ST6GALNAC3: variants seen among roughly 807,000 people sequenced by gnomAD.
ST6GALNAC3 encodes ST6 N-acetylgalactosaminide alpha-2,6-sialyltransferase 3.
In ST6GALNAC3, 25 loss-of-function variants were observed where a neutral mutation model predicts 32.7. That is an observed-to-expected ratio of 0.76 (90% confidence interval 0.56 to 1.07). ST6GALNAC3 has a LOEUF of 1.07. Among genes scored for constraint, ST6GALNAC3 ranks in the 50% least tolerant of loss-of-function variants. The pLI, the probability that ST6GALNAC3 is intolerant of heterozygous loss-of-function variation, is 0.00. For missense variants in ST6GALNAC3, 355 were observed against 382.4 expected (o/e 0.93, Z 0.60); for synonymous variants, 129 against 133.1 (o/e 0.97, Z 0.21).
At chr1:76,368,228 CAAAT>C (rs777215498) in intron 2 of ST6GALNAC3, among the ~76,000 whole-genome samples, 75 of 152,252 alleles carry the variant, frequency 4.9e-4, no homozygotes, top group African/African-American at 8.9e-4. Context: ...AGGCAATAGA[CAAAT>C]GAATGAATGT....
intron 3 of ST6GALNAC3, among the ~76,000 whole-genome samples, chr1:76,538,787 A>G (rs1030585028): frequency 6.6e-6 from 1 of 152,158 alleles, no homozygotes; most frequent in Non-Finnish European, 1.5e-5. Flanking sequence ...AGAGAGTACA[A>G]TACCTAGGAA....
intron 2 of ST6GALNAC3, among the ~76,000 whole-genome samples, chr1:76,406,706 A>C (rs1653859559): frequency 6.6e-6 from 1 of 152,064 alleles, no homozygotes; most frequent in Non-Finnish European, 1.5e-5. Context: ...ATGTATATTA[A>C]GAATAGTGAA....
chr1:76,372,971 A>C (rs990040820), intron 2 of ST6GALNAC3, among the ~76,000 whole-genome samples: 3 of 151,814 alleles, frequency 2.0e-5, no homozygotes, highest in Non-Finnish European at 4.4e-5. Context: ...TTATTTATTT[A>C]CTTTTTGTAG....
At chr1:76,188,991 G>A (rs575436600) in intron 1 of ST6GALNAC3, among the ~76,000 whole-genome samples, 1 of 152,312 alleles carries the variant, frequency 6.6e-6, no homozygotes, top group South Asian at 2.1e-4. Flanking sequence ...GCCACACAGG[G>A]TCAGAGGATG....
At chr1:76,426,561 C>CTGTACATATATATATATATATATA (rs1571194928) in intron 3 of ST6GALNAC3, among the ~76,000 whole-genome samples, 2 of 146,724 alleles carry the variant, frequency 1.4e-5, no homozygotes, top group East Asian at 4.0e-4. Flanking sequence ...ATATATATAT[C>CTGTACATATATATATATATATATA]TGTACATATA....
At chr1:76,237,515 A>G (rs1656725526) in intron 1 of ST6GALNAC3, among the ~76,000 whole-genome samples, 1 of 152,318 alleles carries the variant, frequency 6.6e-6, no homozygotes, top group South Asian at 2.1e-4. Context: ...AAGGTTTGAC[A>G]TATACTTCCC....
intron 1 of ST6GALNAC3, among the ~76,000 whole-genome samples, chr1:76,303,891 T>G (rs190148230): frequency 1.8e-3 from 276 of 152,082 alleles, no homozygotes; most frequent in African/African-American, 6.5e-3. Flanking sequence ...AATGTTTAAA[T>G]TTTTCTCACT....
intron 3 of ST6GALNAC3, among the ~76,000 whole-genome samples, chr1:76,531,219 G>T (rs1283457831): frequency 6.6e-6 from 1 of 152,208 alleles, no homozygotes; most frequent in Non-Finnish European, 1.5e-5. Flanking sequence ...GGGCCGCTCA[G>T]AAAATTGATT....
intron 3 of ST6GALNAC3, among the ~76,000 whole-genome samples, chr1:76,440,819 G>A (rs888069912): frequency 6.6e-6 from 1 of 152,124 alleles, no homozygotes; most frequent in Admixed American, 6.5e-5. Flanking sequence ...TGGGCGCAGT[G>A]ACTCATGCCT....
intron 1 of ST6GALNAC3, among the ~76,000 whole-genome samples, chr1:76,229,240 A>G (rs550816602): frequency 6.6e-6 from 1 of 152,280 alleles, no homozygotes; most frequent in South Asian, 2.1e-4. Context: ...GAAGCTAAAC[A>G]ATAACTTCAA....
intron 3 of ST6GALNAC3, among the ~76,000 whole-genome samples, chr1:76,520,788 A>T (rs1341317607): frequency 6.6e-6 from 1 of 152,162 alleles, no homozygotes; most frequent in Non-Finnish European, 1.5e-5. Flanking sequence ...ATATCAATAT[A>T]GCCATACCAG....
intron 1 of ST6GALNAC3, among the ~76,000 whole-genome samples, chr1:76,189,658 A>G (rs1161986287): frequency 6.6e-6 from 1 of 152,204 alleles, no homozygotes; most frequent in Non-Finnish European, 1.5e-5. Flanking sequence ...TTAAATGAGA[A>G]TGTTAGCTTA....
intron 3 of ST6GALNAC3, among the ~76,000 whole-genome samples, chr1:76,603,207 A>G (rs1647314108): frequency 6.6e-6 from 1 of 152,168 alleles, no homozygotes; most frequent in Admixed American, 6.5e-5. Flanking sequence ...TTACCTTTCT[A>G]CCTAACAATT....
At chr1:76,098,027 A>G (rs2100767079) in intron 1 of ST6GALNAC3, among the ~76,000 whole-genome samples, 1 of 152,300 alleles carries the variant, frequency 6.6e-6, no homozygotes, top group Non-Finnish European at 1.5e-5. Context: ...TGAGGGAACC[A>G]GTACATGTTA....
At chr1:76,333,106 C>T (rs1647228929) in intron 2 of ST6GALNAC3, among the ~76,000 whole-genome samples, 1 of 152,060 alleles carries the variant, frequency 6.6e-6, no homozygotes, top group African/African-American at 2.4e-5. Flanking sequence ...GAAGCATATC[C>T]AAAAATATTT....
chr1:76,470,860 GA>G (rs200202340), intron 3 of ST6GALNAC3, among the ~76,000 whole-genome samples: 1,562 of 152,178 alleles, frequency 0.01, 13 homozygotes, highest in Middle Eastern at 0.095. Flanking sequence ...GATTTTACCA[GA>G]AGTAGAAATT....
At chr1:76,635,693 A>C (rs1649487557), downstream of ST6GALNAC3, among the ~76,000 whole-genome samples, 1 of 152,176 alleles carries the variant, frequency 6.6e-6, no homozygotes, top group Non-Finnish European at 1.5e-5. Flanking sequence ...CTCTCCAACC[A>C]GCTTGTTTCC....
At chr1:76,166,069 G>A (rs769925849) in intron 1 of ST6GALNAC3, among the ~76,000 whole-genome samples, 14 of 152,178 alleles carry the variant, frequency 9.2e-5, no homozygotes, top group Non-Finnish European at 1.6e-4. Flanking sequence ...TGGTGTCTTC[G>A]TCATGAAATC....
intron 3 of ST6GALNAC3, among the ~76,000 whole-genome samples, chr1:76,533,219 T>A (rs1443142734): frequency 6.6e-6 from 1 of 152,188 alleles, no homozygotes; most frequent in East Asian, 1.9e-4. Flanking sequence ...GAACCATGGC[T>A]ACTCTGAAGC....
Sources: allele counts gnomAD v4.1 joint callset (sites outside exome capture counted in the v4.1 genomes callset), GRCh38; gene constraint gnomAD v4.1.1; transcripts MANE v1.5; gene names NCBI Gene and HGNC (gene_info 2026-07-23, HGNC 2026-07-21).